The following CDH3 variants were observed in gnomAD, a reference collection of about 807,000 sequenced individuals.
The protein encoded by CDH3 is cadherin-3.
A neutral mutation model predicts 82.0 loss-of-function variants in CDH3; 54 were observed. The observed-to-expected ratio is 0.66, with a 90% CI of 0.53 to 0.83. The LOEUF (loss-of-function observed/expected upper bound fraction) is 0.83. Among genes scored for constraint, CDH3 ranks in the 40% least tolerant of loss-of-function variants. The pLI, the probability that CDH3 is intolerant of heterozygous loss-of-function variation, is 0.00. For synonymous variants in CDH3, 446 were observed against 437.9 expected (o/e 1.02, Z -0.23); for missense variants, 1,054 against 1,084.6 (o/e 0.97, Z 0.40).
At chr16:68,701,764 G>A (rs749624929), downstream of CDH3, among the ~76,000 whole-genome samples, 2 of 151,828 alleles carry the variant, frequency 1.3e-5, no homozygotes, top group African/African-American at 2.4e-5. Context: ...GGTGACTCAC[G>A]CCTGCAATCC....
chr16:68,683,281 G>A (rs1401312376), intron 9 of CDH3, among the ~76,000 whole-genome samples: 1 of 152,116 alleles, frequency 6.6e-6, no homozygotes, highest in Non-Finnish European at 1.5e-5. Flanking sequence ...GTTAAATGAT[G>A]TGAAATGAAG....
downstream of CDH3, among the ~76,000 whole-genome samples, chr16:68,730,545 C>A (rs905471380): frequency 2.0e-5 from 3 of 151,556 alleles, no homozygotes; most frequent in Admixed American, 6.6e-5. Context: ...AACAAACAAA[C>A]AAAAAAAATT....
At chr16:68,728,400 C>T (rs760286975), downstream of CDH3, among the ~76,000 whole-genome samples, 5 of 152,090 alleles carry the variant, frequency 3.3e-5, no homozygotes, top group East Asian at 3.9e-4. Flanking sequence ...CTCCTGACCT[C>T]GTCATCTGCC....
chr16:68,683,303 T>C (rs1481601156), intron 9 of CDH3, among the ~76,000 whole-genome samples: 1 of 152,140 alleles, frequency 6.6e-6, no homozygotes, highest in Non-Finnish European at 1.5e-5. Flanking sequence ...TCATTTATAA[T>C]ATAACTAACC....
intron 6 of CDH3, among the ~76,000 whole-genome samples, chr16:68,679,404 CTGA>C (rs1961139426): frequency 6.6e-6 from 1 of 152,186 alleles, no homozygotes. Flanking sequence ...TAGAACATGG[CTGA>C]TGGAGGCTGG....
rs1175827064 is a variant in CDH3, at chr16:68,676,381, A to C, written c.161-4A>C. On this transcript the variant is annotated splice_polypyrimidine_tract_variant and splice_region_variant and intron_variant, in intron 2 of 15. Transcript: ENST00000264012. ...CTAATGCTCTCTCTTCCCCTTCCCC[A>C]CAGTATTCATGGGCTGCCCTGGGCA... 9 of 1,609,346 alleles carry C rather than the reference A, an allele frequency of 5.6e-6. No individual in the cohort carries two copies. The South Asian group carries it at 9.9e-5, about 18-fold the overall frequency.
rs564278343 is a variant in CDH3 at position 68,645,503 on chromosome 16, C to T, written c.45+79C>T. The stretch of plus-strand genomic sequence containing the variant: ...CGGGGTCCGCATGGGGCAGTGGCGT[C>T]GGGGAGAGCGCGGGGCTGCGCTCCC... On this transcript the variant is annotated intron_variant, in intron 1 of 15. Coordinates refer to ENST00000264012, the MANE Select transcript of CDH3 (RefSeq NM_001793.6). 19 of 1,521,046 alleles carry T rather than the reference C, an allele frequency of 1.2e-5. No homozygotes were observed. In the Admixed American group the frequency reaches 2.6e-4, roughly 21 times the overall value. 94.2% of individuals were successfully genotyped at this position (1,521,046 alleles called of 1,614,324 possible).
chr16:68,731,450 ACG>A (rs67726927), downstream of CDH3, among the ~76,000 whole-genome samples: 90 of 13,742 alleles, frequency 6.5e-3, 9 homozygotes, highest in Non-Finnish European at 9.3e-3. Context: ...ATACACACAC[ACG>A]TATATACACA....
chr16:68,701,280 G>A (rs983228752), downstream of CDH3, among the ~76,000 whole-genome samples: 1 of 151,986 alleles, frequency 6.6e-6, no homozygotes, highest in African/African-American at 2.4e-5. Context: ...TGGGCTCTGT[G>A]ATGGGGACAA....
chr16:68,650,730 CTT>C (rs1444268664), intron 2 of CDH3, among the ~76,000 whole-genome samples: 1 of 152,148 alleles, frequency 6.6e-6, no homozygotes, highest in Non-Finnish European at 1.5e-5. Context: ...GCCCAGGTCT[CTT>C]CTCCCCAGCA....
chr16:68,690,602 G>A (rs1196519781), intron 12 of CDH3, among the ~76,000 whole-genome samples: 3 of 146,076 alleles, frequency 2.1e-5, no homozygotes. Context: ...GATAGAGCAA[G>A]ACTCTGTCTA....
rs201353351 is a variant in CDH3 at position 68,698,430 on chromosome 16, C to T, written c.*30C>T. ...CCTGCCTGCAGGGCTGGGGACCAAA[C>T]GTCAGGCCACAGAGCATCTCCAAGG... On this transcript the variant is annotated 3_prime_UTR_variant, in exon 16 of 16. Transcript: ENST00000264012. The T allele has an allele frequency of 1.0e-5, 16 of 1,598,786 alleles. No homozygotes were observed. The highest frequency in any genetic ancestry group is 4.5e-5 in the East Asian group (2 of 44,832).
At position 68,714,829 on chromosome 16, in the gene CDH3, G is replaced by A. The variant is rs557001882; in HGVS notation, c.100-7596G>A. Among the ~76,000 whole-genome samples, 3 of 152,144 alleles carry A rather than the reference G, an allele frequency of 2.0e-5. No individual in the cohort carries two copies. The East Asian group carries it at 5.8e-4, about 29-fold the overall frequency. ...GCCAGGACTAGCCTGGGTCAACATA[G>A]CAAGACTTCATCATTACAAAAATTT... On this transcript the variant is annotated intron_variant, in intron 1 of 2. Transcript: ENST00000569080.
intron 9 of CDH3, 33 bp from the exon 10 acceptor site, chr16:68,684,550 G>A (rs774550824): frequency 1.2e-6 from 2 of 1,613,824 alleles, no homozygotes; most frequent in Non-Finnish European, 1.7e-6. Flanking sequence ...TCTCAAAATG[G>A]TGGTCCAGGT....
At chr16:68,679,051 AG>A in intron 6 of CDH3, 145 bp downstream of exon 6, 1 of 816,022 alleles carries the variant, frequency 1.2e-6, no homozygotes, top group Non-Finnish European at 2.0e-6. Flanking sequence ...TTCCATCCCA[AG>A]GTTCCTGAAT....
intron 2 of CDH3, 71 bp downstream of exon 2, chr16:68,645,821 G>T (rs1960042147): frequency 8.3e-7 from 1 of 1,200,636 alleles, no homozygotes; most frequent in African/African-American, 1.5e-5. Flanking sequence ...CGCGCGAGGG[G>T]TGTTCGGGCC....
chr16:68,696,037 C>A, intron 15 of CDH3, 114 bp downstream of exon 15: 2 of 1,096,104 alleles, frequency 1.8e-6, no homozygotes, highest in Non-Finnish European at 2.7e-6. Context: ...TCTGACTCCA[C>A]CACCAACCAG....
chr16:68,681,597 A>G (rs1205557238), intron 8 of CDH3, among the ~76,000 whole-genome samples: 2 of 152,236 alleles, frequency 1.3e-5, no homozygotes, highest in African/African-American at 2.4e-5. Context: ...GCACTTTGGG[A>G]GGCCAAGGCG....
intron 2 of CDH3, among the ~76,000 whole-genome samples, chr16:68,659,127 T>C (rs1960490156): frequency 6.6e-6 from 1 of 152,210 alleles, no homozygotes; most frequent in African/African-American, 2.4e-5. Context: ...GTCCCCGTTT[T>C]ACAGGTGAGG....
Sources: allele counts gnomAD v4.1 joint callset (sites outside exome capture counted in the v4.1 genomes callset), GRCh38; gene constraint gnomAD v4.1.1; transcripts MANE v1.5; gene names NCBI Gene and HGNC (gene_info 2026-07-23, HGNC 2026-07-21).